DST: variants seen among roughly 807,000 people sequenced by gnomAD.
DST encodes the protein bullous pemphigoid antigen.
Under a neutral mutation model 875.2 loss-of-function variants are expected in DST, and 253 were observed. The observed-to-expected ratio is 0.29, with a 90% CI of 0.26 to 0.32. The LOEUF (loss-of-function observed/expected upper bound fraction) is 0.32. Among genes scored for constraint, DST ranks in the 10% least tolerant of loss-of-function variants. The pLI, the probability that DST is intolerant of heterozygous loss-of-function variation, is 1.00. For missense variants in DST, 8,287 were observed against 9,111.6 expected (o/e 0.91, Z 3.68); for synonymous variants, 3,124 against 3,197.1 (o/e 0.98, Z 0.77).
chr6:56,496,512 C>T (rs1383110443), intron 82 of DST, among the ~76,000 whole-genome samples: 1 of 151,826 alleles, frequency 6.6e-6, no homozygotes, highest in Non-Finnish European at 1.5e-5. Flanking sequence ...TATTTTCTAA[C>T]CTTCCATGAA....
chr6:56,618,135 G>GT (rs1187867665), intron 36 of DST: 1 of 1,614,150 alleles, frequency 6.2e-7, no homozygotes, highest in Non-Finnish European at 8.5e-7. Flanking sequence ...AAAGTTATCT[G>GT]TAACTCGGTG....
intron 4 of DST, among the ~76,000 whole-genome samples, chr6:56,815,142 A>G (rs562221220): frequency 1.3e-5 from 2 of 152,350 alleles, no homozygotes; most frequent in East Asian, 3.9e-4. Flanking sequence ...AGATTAATTT[A>G]ACATATATAA....
intron 49 of DST, 117 bp downstream of exon 49, chr6:56,592,064 AG>A: frequency 1.1e-6 from 1 of 871,616 alleles, no homozygotes; most frequent in Non-Finnish European, 1.8e-6. Flanking sequence ...TGGAGGCAGA[AG>A]TATACTTTTC....
rs757167060 is a variant in DST, at chr6:56,634,599, G to A, written c.3357C>T (p.Asp1119=). 6.2e-6 allele frequency: 10 copies of A among 1,613,958 alleles called. No homozygotes were observed. The highest frequency in any genetic ancestry group is 1.7e-5 in the Admixed American group (1 of 59,998). The change falls in exon 26 of 104, where the codon GAC becomes GAT. Residue 1119 remains aspartate (D), a synonymous_variant. Transcript: ENST00000680361. ...AGTTATTCGCCAAAACACATTCATC[G>A]TCTTTGTAAATGGTTATCTGGTTTA... ...YRQIEITIYK[D]DECVLANNSH...
chr6:56,603,779 G>C, intron 40 of DST, 58 bp downstream of exon 40: 1 of 1,579,238 alleles, frequency 6.3e-7, no homozygotes, highest in Non-Finnish European at 8.6e-7. Flanking sequence ...AAATGTATGG[G>C]ATTATTCTCA....
chr6:56,577,820 A>G (rs1051688574), intron 50 of DST, among the ~76,000 whole-genome samples: 1 of 152,210 alleles, frequency 6.6e-6, no homozygotes, highest in Non-Finnish European at 1.5e-5. Context: ...AGTAAAAAAT[A>G]TGTATTGATA....
intron 15 of DST, among the ~76,000 whole-genome samples, chr6:56,645,192 T>C (rs1023275547): frequency 2.0e-5 from 3 of 152,202 alleles, no homozygotes; most frequent in African/African-American, 7.2e-5. Flanking sequence ...CTAGGTCCTA[T>C]AGACTTCATG....
At chr6:56,525,484 T>C (rs1170655195) in intron 69 of DST, among the ~76,000 whole-genome samples, 1 of 152,188 alleles carries the variant, frequency 6.6e-6, no homozygotes, top group Non-Finnish European at 1.5e-5. Flanking sequence ...GAACTAACTA[T>C]AAATTCCATT....
At chr6:56,636,396 ATG>A (rs1225053498) in intron 23 of DST, among the ~76,000 whole-genome samples, 159 bp downstream of exon 23, 6 of 149,880 alleles carry the variant, frequency 4.0e-5, no homozygotes, top group Non-Finnish European at 7.4e-5. Flanking sequence ...GTGTATACGT[ATG>A]TGTGTATATA....
At chr6:56,832,476 T>C (rs2099788293) in intron 4 of DST, among the ~76,000 whole-genome samples, 1 of 152,154 alleles carries the variant, frequency 6.6e-6, no homozygotes, top group South Asian at 2.1e-4. Context: ...CCTTCCACCA[T>C]GATTGTGAGG....
intron 4 of DST, among the ~76,000 whole-genome samples, chr6:56,778,906 G>A (rs993007981): frequency 3.3e-5 from 5 of 151,930 alleles, no homozygotes; most frequent in African/African-American, 9.7e-5. Context: ...CCCAGTAATG[G>A]GATGACTGGG....
At chr6:56,618,589 C>T (rs752723112) in intron 36 of DST, 2 of 1,614,144 alleles carry the variant, frequency 1.2e-6, no homozygotes, top group East Asian at 4.5e-5. Flanking sequence ...GCTGCCCTTG[C>T]TGCATTTGTT....
At chr6:56,501,417 TA>T in intron 79 of DST, 102 bp downstream of exon 79, 1 of 1,148,126 alleles carries the variant, frequency 8.7e-7, no homozygotes, top group Non-Finnish European at 1.2e-6. Context: ...AAATAGAATA[TA>T]TGAGAAGCAG....
chr6:56,620,825 A>G, intron 36 of DST: 1 of 964,642 alleles, frequency 1.0e-6, no homozygotes, highest in Non-Finnish European at 1.6e-6. Flanking sequence ...TCAAATGCAG[A>G]ACAAGCGCTA....
In DST at chr6:56,608,340, C is replaced by T; in HGVS notation, c.6288G>A (p.Leu2096=). The T allele has an allele frequency of 6.2e-7, 1 of 1,612,602 alleles. No individual in the cohort carries two copies. The highest frequency in any genetic ancestry group is 2.2e-5 in the East Asian group (1 of 44,874). Residue 2096 remains leucine, a synonymous_variant, in exon 40 of 104, where the codon TTG becomes TTA. Transcript: ENST00000680361. Reference sequence around the variant, plus strand: ...GTCTGCCATTCAGGATTTTGTAGGCCAATTCATTTGTAATCAATTCTTGCT... The same window carrying T: ...GTCTGCCATTCAGGATTTTGTAGGCTAATTCATTTGTAATCAATTCTTGCT... The part of the protein sequence containing the change: ...SLQQELITNE[L]AYKILNGRQK...
In DST at chr6:56,634,502, C is replaced by T. The variant is rs199698356; in HGVS notation, c.3454G>A (p.Val1152Ile). Residue 1152 changes from valine (V) to isoleucine (I), a missense_variant, in exon 26 of 104, where the codon GTT (valine) becomes ATT (isoleucine). Val to Ile is a conservative substitution (Grantham distance 29). Transcript: ENST00000680361. Reference sequence around the variant, plus strand: ...ACCGCTTCTTTGTTTGGTGGAGGAACGGTGAAGCACACAGATGGGACCATA... The same window carrying T: ...ACCGCTTCTTTGTTTGGTGGAGGAATGGTGAAGCACACAGATGGGACCATA... ...EAMVPSVCFT[V>I]PPPNKEAVDL... 158 of 1,614,134 alleles carry T rather than the reference C, an allele frequency of 9.8e-5. No homozygotes were observed. Among genetic ancestry groups the T allele is most frequent in the Admixed American group, 2.0e-4 (12 of 60,010 alleles).
At chr6:56,755,353 A>C (rs1451776363) in intron 4 of DST, among the ~76,000 whole-genome samples, 2 of 152,192 alleles carry the variant, frequency 1.3e-5, no homozygotes, top group African/African-American at 4.8e-5. Context: ...TGTAGGTAGC[A>C]GTAGCAGAAA....
chr6:56,667,049 A>G (rs2099075723), intron 10 of DST, among the ~76,000 whole-genome samples: 1 of 152,096 alleles, frequency 6.6e-6, no homozygotes, highest in Non-Finnish European at 1.5e-5. Flanking sequence ...TAAAATCTCT[A>G]CAGGTGTATG....
chr6:56,468,273 ACTTAAATGT>A (rs1430469530), intron 98 of DST, among the ~76,000 whole-genome samples: 15 of 152,186 alleles, frequency 9.9e-5, no homozygotes, highest in Non-Finnish European at 1.5e-4. Context: ...GGTTATACTG[ACTTAAATGT>A]CAACATAAAC....
Sources: allele counts gnomAD v4.1 joint callset (sites outside exome capture counted in the v4.1 genomes callset), GRCh38; gene constraint gnomAD v4.1.1; transcripts MANE v1.5; gene names NCBI Gene and HGNC (gene_info 2026-07-23, HGNC 2026-07-21).